The following SNTB2 variants were observed in gnomAD, a reference collection of about 807,000 sequenced individuals.
SNTB2 encodes the protein beta-2-syntrophin.
In SNTB2, 34 loss-of-function variants were observed where a neutral mutation model predicts 46.2. That is an observed-to-expected ratio of 0.74 (90% confidence interval 0.56 to 0.98). The LOEUF (loss-of-function observed/expected upper bound fraction) is 0.98. Ranked by LOEUF, SNTB2 falls within the 50% of genes least tolerant of loss-of-function variation. The probability of loss-of-function intolerance (pLI) is 0.00; values close to 1 mark genes in which losing one functional copy is unlikely to be tolerated. For synonymous variants in SNTB2, 290 were observed against 312.6 expected (o/e 0.93, Z 0.76); for missense variants, 603 against 731.4 (o/e 0.82, Z 2.02).
chr16:69,243,381 A>T (rs1216432740), intron 1 of SNTB2, among the ~76,000 whole-genome samples: 1 of 152,198 alleles, frequency 6.6e-6, no homozygotes, highest in African/African-American at 2.4e-5. Context: ...TATGGACTGC[A>T]TTGCCATCAA....
At chr16:69,294,019 TTTTGTTTGTTTG>T (rs926510391) in intron 5 of SNTB2, among the ~76,000 whole-genome samples, 2 of 152,160 alleles carry the variant, frequency 1.3e-5, no homozygotes, top group African/African-American at 4.8e-5. Flanking sequence ...ATTTTATGTT[TTTTGTTTGTTTG>T]TTTGTTTGTT....
intron 5 of SNTB2, among the ~76,000 whole-genome samples, chr16:69,295,911 A>T (rs990991247): frequency 3.3e-5 from 5 of 152,156 alleles, no homozygotes; most frequent in African/African-American, 1.2e-4. Context: ...AAAACTGTTT[A>T]ATTGGTTCGA....
At chr16:69,235,728 A>AT (rs1382410299) in intron 1 of SNTB2, 2 of 1,288,484 alleles carry the variant, frequency 1.6e-6, no homozygotes, top group Non-Finnish European at 1.0e-6. Flanking sequence ...AGTACCAGGA[A>AT]TTTTTTTCTC....
At chr16:69,241,357 T>C (rs899889727) in intron 1 of SNTB2, among the ~76,000 whole-genome samples, 3 of 149,796 alleles carry the variant, frequency 2.0e-5, no homozygotes, top group African/African-American at 7.4e-5. Flanking sequence ...TTATATTTTT[T>C]AGTAGAGATG....
chr16:69,210,087 G>C (rs554358898), intron 1 of SNTB2, among the ~76,000 whole-genome samples: 1 of 145,352 alleles, frequency 6.9e-6, no homozygotes, highest in East Asian at 2.0e-4. Context: ...GTGCAATGGC[G>C]CAATCTCAGC....
At chr16:69,266,389 C>CAAAAA (rs1010785151) in intron 3 of SNTB2, among the ~76,000 whole-genome samples, 1 of 150,126 alleles carries the variant, frequency 6.7e-6, no homozygotes, top group African/African-American at 2.4e-5. Flanking sequence ...CAAAACAAAA[C>CAAAAA]AAAAAAAAGT....
chr16:69,194,549 G>T (rs1964084972), intron 1 of SNTB2, among the ~76,000 whole-genome samples: 1 of 152,156 alleles, frequency 6.6e-6, no homozygotes, highest in Non-Finnish European at 1.5e-5. Flanking sequence ...CTGGGATTTT[G>T]ATTAAAATTA....
Position 69,260,041 on chromosome 16 carries a change from T to C in SNTB2, c.795-9T>C. On this transcript the variant is annotated splice_polypyrimidine_tract_variant and intron_variant, in intron 2 of 6. Transcript: ENST00000336278. ...TAGCTCACTTTTTTTTTTTTCTTTT[T>C]CCACACAGATTGATAGAGCTACATT... 4.3e-6 allele frequency: 7 copies of C among 1,611,646 alleles called. No individual in the cohort carries two copies. Among genetic ancestry groups the C allele is most frequent in the Non-Finnish European group, 5.9e-6 (7 of 1,177,844 alleles).
chr16:69,300,195 C>G (rs373495053), intron 6 of SNTB2, among the ~76,000 whole-genome samples: 2 of 152,038 alleles, frequency 1.3e-5, no homozygotes, highest in South Asian at 2.1e-4. Flanking sequence ...ACTGTATCTG[C>G]TCTTCTTCAG....
At chr16:69,285,453 C>CTATTTATTTATT (rs56095766) in intron 5 of SNTB2, among the ~76,000 whole-genome samples, 68 of 130,606 alleles carry the variant, frequency 5.2e-4, no homozygotes, top group South Asian at 1.6e-3. Flanking sequence ...CTTTGAGCTT[C>CTATTTATTTATT]TATTTATTTA....
chr16:69,253,999 T>A (rs1167872822), intron 2 of SNTB2, among the ~76,000 whole-genome samples: 1 of 152,000 alleles, frequency 6.6e-6, no homozygotes, highest in African/African-American at 2.4e-5. Flanking sequence ...GTGAAGGAAA[T>A]TTCTGGTCAA....
At chr16:69,196,284 CA>C (rs1964104818) in intron 1 of SNTB2, among the ~76,000 whole-genome samples, 1 of 151,614 alleles carries the variant, frequency 6.6e-6, no homozygotes. Flanking sequence ...TTTTTAAAAA[CA>C]AAAGGAATCA....
At chr16:69,257,186 A>C (rs1226525830) in intron 2 of SNTB2, among the ~76,000 whole-genome samples, 2 of 151,536 alleles carry the variant, frequency 1.3e-5, no homozygotes, top group Non-Finnish European at 2.9e-5. Flanking sequence ...AAAAAAAAAA[A>C]GTTACCAATT....
At chr16:69,273,050 T>A (rs1964953471) in intron 4 of SNTB2, among the ~76,000 whole-genome samples, 1 of 152,086 alleles carries the variant, frequency 6.6e-6, no homozygotes, top group South Asian at 2.1e-4. Context: ...TCCCACCCAC[T>A]GGGATGGCTA....
rs1463617350 is a variant in SNTB2 at position 69,277,856 on chromosome 16, A to C, written c.1149-6192A>C. Among the ~76,000 whole-genome samples, 4 of 152,216 alleles carry C rather than the reference A, an allele frequency of 2.6e-5. No individual in the cohort carries two copies. The East Asian group carries it at 7.7e-4, about 29-fold the overall frequency. ...GGTAATATTTTGTTCTGTTACACTG[A>C]TCTACTTAATACTTCTTTAAAATAG... On this transcript the variant is annotated intron_variant, in intron 4 of 6. Coordinates refer to ENST00000336278, the MANE Select transcript of SNTB2 (RefSeq NM_006750.4).
At chr16:69,289,161 C>T (rs1351083398) in intron 5 of SNTB2, among the ~76,000 whole-genome samples, 3 of 150,528 alleles carry the variant, frequency 2.0e-5, no homozygotes, top group African/African-American at 7.4e-5. Flanking sequence ...CCCTGCTACT[C>T]GGGAGGCTGA....
At chr16:69,219,016 A>T (rs959672678) in intron 1 of SNTB2, among the ~76,000 whole-genome samples, 1 of 152,196 alleles carries the variant, frequency 6.6e-6, no homozygotes, top group African/African-American at 2.4e-5. Context: ...AACTAGTGGA[A>T]TGGTTACCAG....
At chr16:69,220,796 C>T (rs764775727) in intron 1 of SNTB2, among the ~76,000 whole-genome samples, 24 of 152,070 alleles carry the variant, frequency 1.6e-4, no homozygotes, top group Non-Finnish European at 2.8e-4. Context: ...CCTTCCAAAG[C>T]CCTAGGATTA....
At chr16:69,231,417 C>T (rs1192729365) in intron 1 of SNTB2, among the ~76,000 whole-genome samples, 2 of 151,926 alleles carry the variant, frequency 1.3e-5, no homozygotes, top group African/African-American at 2.4e-5. Context: ...GGAGAAACCC[C>T]GTCTCAACTA....
Sources: gnomAD v4.1 joint callset for allele counts (sites outside exome capture counted in the v4.1 genomes callset) on GRCh38, gnomAD v4.1.1 for gene constraint, MANE v1.5 for transcripts, NCBI Gene and HGNC (gene_info 2026-07-23, HGNC 2026-07-21) for gene names.